The following EXOC4 variants were observed in gnomAD, a reference collection of about 807,000 sequenced individuals.
The protein encoded by EXOC4 is exocyst complex component 4.
Under a neutral mutation model 107.2 loss-of-function variants are expected in EXOC4, and 71 were observed. The observed-to-expected ratio is 0.66, with a 90% CI of 0.55 to 0.81. The LOEUF (loss-of-function observed/expected upper bound fraction) is 0.81, where lower values mean the gene tolerates loss of function less well. Among genes scored for constraint, EXOC4 ranks in the 30% least tolerant of loss-of-function variants. EXOC4 has a pLI of 0.00. For missense variants in EXOC4, 1,108 were observed against 1,189.6 expected, an observed-to-expected ratio of 0.93 and a Z score of 1.01; for synonymous variants, 456 against 441.2, an observed-to-expected ratio of 1.03 and a Z score of -0.42.
rs903650839 is a variant in EXOC4 at position 133,338,335 on chromosome 7, T to A, written c.764-17995T>A. Among the ~76,000 whole-genome samples the A allele has an allele frequency of 2.0e-5, 3 of 151,692 alleles. No homozygotes were observed. In the South Asian group the frequency reaches 6.2e-4, roughly 31 times the overall value. On this transcript the variant is annotated intron_variant, in intron 5 of 17. Transcript: ENST00000253861. ...TCAGCCGGGCGCGGTGGCTCACGCC[T>A]GTAATCCCAGCACTTTGGGAGGCCG... is the stretch of plus-strand genomic sequence containing the variant.
intron 9 of EXOC4, among the ~76,000 whole-genome samples, chr7:133,595,443 T>C (rs1801645811): frequency 6.6e-6 from 1 of 152,218 alleles, no homozygotes; most frequent in Non-Finnish European, 1.5e-5. Context: ...AAATGTCTAT[T>C]TTGCATACTT....
intron 9 of EXOC4, among the ~76,000 whole-genome samples, chr7:133,607,042 A>G: frequency 6.6e-6 from 1 of 152,142 alleles, no homozygotes; most frequent in Non-Finnish European, 1.5e-5. Flanking sequence ...TGCTAATAGT[A>G]ATTTATTTTC....
At chr7:133,429,270 T>C (rs1026858826) in intron 7 of EXOC4, among the ~76,000 whole-genome samples, 2 of 152,206 alleles carry the variant, frequency 1.3e-5, no homozygotes, top group African/African-American at 2.4e-5. Context: ...GAACCAAGTA[T>C]AAGACTGCTT....
chr7:134,007,840 G>A lies in EXOC4; in HGVS notation c.2687+5G>A. The stretch of plus-strand genomic sequence containing the variant: ...GGCAGACCTGGACTTTGCAAGGTAG[G>A]AGGGAAAACTGGGTTTAGTTTCTTA... On this transcript the variant is annotated splice_donor_5th_base_variant and intron_variant, in intron 17 of 17. Transcript: ENST00000253861. The A allele has an allele frequency of 6.2e-7, 1 of 1,608,834 alleles. No homozygotes were observed. The highest frequency in any genetic ancestry group is 8.5e-7 in the Non-Finnish European group (1 of 1,177,072).
chr7:133,638,279 A>G (rs565126762), intron 10 of EXOC4, among the ~76,000 whole-genome samples: 1 of 152,300 alleles, frequency 6.6e-6, no homozygotes, highest in East Asian at 1.9e-4. Context: ...AATATTTTTC[A>G]TGGAAATGCT....
At chr7:133,963,666 T>A (rs1028470439) in intron 14 of EXOC4, among the ~76,000 whole-genome samples, 5 of 152,230 alleles carry the variant, frequency 3.3e-5, no homozygotes, top group African/African-American at 1.2e-4. Flanking sequence ...GAATTGAGAA[T>A]TCCCATGAAA....
At chr7:133,676,735 A>C (rs553498582) in intron 10 of EXOC4, among the ~76,000 whole-genome samples, 3 of 152,024 alleles carry the variant, frequency 2.0e-5, no homozygotes, top group African/African-American at 7.2e-5. Context: ...TAGGATATCT[A>C]TGTGGTATCT....
At chr7:133,825,540 A>G (rs1797681599) in intron 11 of EXOC4, among the ~76,000 whole-genome samples, 1 of 152,154 alleles carries the variant, frequency 6.6e-6, no homozygotes, top group South Asian at 2.1e-4. Context: ...TTTGCTAGAG[A>G]TAATTATACT....
At chr7:133,378,309 CAAA>C (rs61241527) in intron 7 of EXOC4, among the ~76,000 whole-genome samples, 3 of 105,810 alleles carry the variant, frequency 2.8e-5, no homozygotes, top group African/African-American at 3.6e-5. Context: ...GACTCCATCT[CAAA>C]AAAAAAAAAA....
chr7:133,812,736 T>C (rs1797265361), intron 10 of EXOC4, among the ~76,000 whole-genome samples: 2 of 152,210 alleles, frequency 1.3e-5, no homozygotes, highest in South Asian at 4.1e-4. Context: ...ACATATTTAT[T>C]TTTTGTGATG....
the EXOC4 span, among the ~76,000 whole-genome samples, chr7:134,093,585 T>C: frequency 2.0e-5 from 3 of 152,186 alleles, no homozygotes; most frequent in Non-Finnish European, 4.4e-5. Context: ...CTATTAGATA[T>C]ATGCAGAATA....
chr7:134,001,388 T>G (rs1794527872), intron 15 of EXOC4, among the ~76,000 whole-genome samples: 1 of 152,192 alleles, frequency 6.6e-6, no homozygotes, highest in Non-Finnish European at 1.5e-5. Flanking sequence ...AAAGTCATAG[T>G]AAGGTCAGCA....
intron 10 of EXOC4, among the ~76,000 whole-genome samples, chr7:133,801,338 T>TTC (rs1796938143): frequency 6.6e-6 from 1 of 151,968 alleles, no homozygotes; most frequent in Non-Finnish European, 1.5e-5. Flanking sequence ...AAATAAGACT[T>TTC]TCTGGCTTGC....
At position 133,873,593 on chromosome 7, in the gene EXOC4, C is replaced by T. The variant is rs116371785; in HGVS notation, c.1735-22006C>T. Among the ~76,000 whole-genome samples, 364 of 152,250 alleles carry T rather than the reference C, an allele frequency of 2.4e-3. 5 individuals carry two copies. The highest frequency in any genetic ancestry group is 8.2e-3 in the African/African-American group (340 of 41,552). ...TTTCCTCCTGTTTTTGGTGTTAAAA[C>T]GTCGCCATTATTTTATGAAAACAGT... On this transcript the variant is annotated intron_variant, in intron 11 of 17. Coordinates refer to ENST00000253861, the MANE Select transcript of EXOC4 (RefSeq NM_021807.4).
At chr7:133,581,486 C>T (rs960842665) in intron 9 of EXOC4, among the ~76,000 whole-genome samples, 6 of 151,980 alleles carry the variant, frequency 3.9e-5, no homozygotes, top group South Asian at 2.1e-4. Context: ...AGGCCGGGCG[C>T]GGTGGCTCAC....
intron 9 of EXOC4, among the ~76,000 whole-genome samples, chr7:133,542,169 T>TTGTGTGTGTG (rs3046171): frequency 0.012 from 1,718 of 147,138 alleles, 32 homozygotes; most frequent in African/African-American, 0.031. Context: ...AAATTTTATC[T>TTGTGTGTGTG]TGTGTGTGTG....
intron 9 of EXOC4, among the ~76,000 whole-genome samples, chr7:133,603,745 G>T (rs1021995925): frequency 6.6e-6 from 1 of 152,192 alleles, no homozygotes; most frequent in Non-Finnish European, 1.5e-5. Flanking sequence ...TCTCGAGTGA[G>T]TGATGAGTGA....
In EXOC4 at chr7:133,413,965, A is replaced by G. The variant is rs115937073; in HGVS notation, c.1182+38963A>G. On this transcript the variant is annotated intron_variant, in intron 7 of 17. Transcript: ENST00000253861. ...AGCAGATATAAAAATCACAAGCCCT[A>G]AAAGACTGACTTAAAAAAATACATT... Among the ~76,000 whole-genome samples, 1,163 of 152,302 alleles carry G rather than the reference A, an allele frequency of 7.6e-3. 14 individuals carry two copies. The highest frequency in any genetic ancestry group is 0.026 in the African/African-American group (1,098 of 41,572).
At chr7:133,988,394 A>G (rs925672765) in intron 14 of EXOC4, among the ~76,000 whole-genome samples, 2 of 152,152 alleles carry the variant, frequency 1.3e-5, no homozygotes, top group African/African-American at 2.4e-5. Flanking sequence ...TTCTTTAACA[A>G]TCTGTTATTA....
Sources: allele counts gnomAD v4.1 joint callset (sites outside exome capture counted in the v4.1 genomes callset), GRCh38; gene constraint gnomAD v4.1.1; transcripts MANE v1.5; gene names NCBI Gene and HGNC (gene_info 2026-07-23, HGNC 2026-07-21).